Variants in ACSM2A observed in about 807,000 individuals in gnomAD.
The protein encoded by ACSM2A is acyl-coenzyme A synthetase ACSM2A, mitochondrial.
ACSM2A carries 72 observed loss-of-function variants against 76.6 expected under a neutral mutation model. The ratio of observed to expected loss-of-function variants is 0.94; its 90% CI spans 0.78 to 1.14. ACSM2A has a LOEUF of 1.14. Among genes scored for constraint, ACSM2A ranks in the 50% most tolerant of loss-of-function variants. ACSM2A has a pLI of 0.00. For missense variants in ACSM2A, 684 were observed against 708.5 expected (o/e 0.97, Z 0.39); for synonymous variants, 249 against 255.9 (o/e 0.97, Z 0.26).
chr16:20,478,527 G>A lies in ACSM2A; in HGVS notation c.1180-49G>A, dbSNP rs376932258. The A allele has an allele frequency of 1.9e-6, 3 of 1,585,190 alleles. No homozygotes were observed. In the African/African-American group the frequency reaches 4.0e-5, roughly 21 times the overall value. On this transcript the variant is annotated intron_variant, in intron 9 of 13. Transcript: ENST00000573854. ...TCAGCAATCTCATGATGCCATTGAA[G>A]CCATCTCCTGCTGTGTGCATCATTC...
At chr16:20,483,891 C>A (rs969501023) in intron 13 of ACSM2A, among the ~76,000 whole-genome samples, 2 of 151,972 alleles carry the variant, frequency 1.3e-5, no homozygotes, top group African/African-American at 4.8e-5. Flanking sequence ...CCAGGCATTC[C>A]TAGGATGTGG....
intron 1 of ACSM2A, among the ~76,000 whole-genome samples, chr16:20,459,445 T>C (rs1286466054): frequency 6.6e-6 from 1 of 152,170 alleles, no homozygotes; most frequent in African/African-American, 2.4e-5. Flanking sequence ...ACCCTATACA[T>C]CTTAGTAGCT....
At chr16:20,476,057 A>G in intron 8 of ACSM2A, 1 of 1,068,750 alleles carries the variant, frequency 9.4e-7, no homozygotes, top group South Asian at 2.1e-5. Context: ...TGGAAAAAGT[A>G]AAGTAGATGA....
intron 6 of ACSM2A, among the ~76,000 whole-genome samples, chr16:20,474,802 A>C (rs1469629156): frequency 2.0e-5 from 3 of 152,228 alleles, no homozygotes; most frequent in Non-Finnish European, 4.4e-5. Context: ...TAAAAATTAA[A>C]TGAGATAACA....
At chr16:20,473,707 G>T (rs1012753506) in intron 6 of ACSM2A, among the ~76,000 whole-genome samples, 1 of 152,032 alleles carries the variant, frequency 6.6e-6, no homozygotes, top group Non-Finnish European at 1.5e-5. Context: ...TTCCTCCTTA[G>T]CCAGGGTTCT....
At position 20,486,738 on chromosome 16, in the gene ACSM2A, C is replaced by G. The variant is rs541264077; in HGVS notation, c.*60C>G. ...TCTTTCTCTTTCTTTTCCCTTTGGG[C>G]CCTTGGCCTTCCTATGATTATATGA... On this transcript the variant is annotated 3_prime_UTR_variant, in exon 14 of 14. Coordinates refer to ENST00000573854, the MANE Select transcript of ACSM2A (RefSeq NM_001308172.2). 7.0e-6 allele frequency: 11 copies of G among 1,582,146 alleles called. No homozygotes were observed. In the South Asian group the frequency reaches 1.1e-4, roughly 16 times the overall value.
intron 9 of ACSM2A, among the ~76,000 whole-genome samples, chr16:20,477,812 C>T (rs13337039): frequency 0.027 from 4,153 of 152,262 alleles, 190 homozygotes; most frequent in African/African-American, 0.094. Flanking sequence ...TCAATTAATG[C>T]CAACCTGCAG....
At chr16:20,460,457 G>T (rs1375357241) in intron 2 of ACSM2A, among the ~76,000 whole-genome samples, 166 bp downstream of exon 2, 1 of 152,200 alleles carries the variant, frequency 6.6e-6, no homozygotes. Flanking sequence ...ATGGGAGAGA[G>T]ACAGCATGAG....
At chr16:20,480,537 G>A (rs753156128) in intron 10 of ACSM2A, 36 bp from the exon 11 acceptor site, 1 of 1,601,520 alleles carries the variant, frequency 6.2e-7, no homozygotes, top group Non-Finnish European at 8.5e-7. Context: ...TTTAGGCTTT[G>A]CAGGCACAAT....
intron 2 of ACSM2A, among the ~76,000 whole-genome samples, chr16:20,465,165 G>C (rs574893894): frequency 1.3e-5 from 2 of 151,820 alleles, no homozygotes; most frequent in African/African-American, 4.8e-5. Flanking sequence ...ATAAATAGAC[G>C]CAATAAATAA....
Position 20,478,568 on chromosome 16 carries a change from T to C in ACSM2A, c.1180-8T>C, listed in dbSNP as rs370698676. 1.4e-5 allele frequency: 22 copies of C among 1,612,506 alleles called. No homozygotes were observed. Among genetic ancestry groups the C allele is most frequent in the Non-Finnish European group, 1.8e-5 (21 of 1,179,020 alleles). ...TGCATCATTCTTCCAATCTGCTTCT[T>C]TCTCCAGATCATAGATGATAAGGGC... On this transcript the variant is annotated splice_polypyrimidine_tract_variant and splice_region_variant and intron_variant, in intron 9 of 13. Transcript: ENST00000573854.
chr16:20,466,152 G>T (rs6497490), intron 3 of ACSM2A, among the ~76,000 whole-genome samples: 134,326 of 149,564 alleles, frequency 0.9, 60,803 homozygotes, highest in African/African-American at 0.97. Context: ...TGTGGCTGCA[G>T]TTGCACTACA....
chr16:20,458,135 C>T (rs980239285), intron 1 of ACSM2A, among the ~76,000 whole-genome samples: 3 of 151,360 alleles, frequency 2.0e-5, no homozygotes, highest in Non-Finnish European at 4.4e-5. Flanking sequence ...CTACAAAACC[C>T]TGCTGAAAGA....
At chr16:20,458,927 T>TAC (rs2012425583) in intron 1 of ACSM2A, among the ~76,000 whole-genome samples, 1 of 63,358 alleles carries the variant, frequency 1.6e-5, no homozygotes, top group South Asian at 6.3e-4. Flanking sequence ...TATATATATA[T>TAC]ATATACATAT....
chr16:20,478,957 C>T (rs2013927201), intron 10 of ACSM2A, among the ~76,000 whole-genome samples: 1 of 152,190 alleles, frequency 6.6e-6, no homozygotes. Context: ...ATATTATTGA[C>T]CCTGAACTAT....
Position 20,471,545 on chromosome 16 carries a change from C to G in ACSM2A, c.750C>G (p.Gly250=), listed in dbSNP as rs746206762. 6.2e-6 allele frequency: 10 copies of G among 1,612,454 alleles called. No homozygotes were observed. The highest frequency in any genetic ancestry group is 7.6e-6 in the Non-Finnish European group (9 of 1,179,282). The change falls in exon 6 of 14, where the codon GGC becomes GGG. Residue 250 remains glycine, a synonymous_variant. Transcript: ENST00000573854. ...LKAKMDAGWT[G]LQASDIMWTI... is the part of the protein sequence containing the mutation. ...TTGTCTGTGTTTTCAGTTGGACAGG[C>G]CTGCAAGCCTCTGATATAATGTGGA...
chr16:20,475,272 C>T (rs1342926160), intron 6 of ACSM2A, 90 bp from the exon 7 acceptor site: 2 of 1,602,566 alleles, frequency 1.2e-6, no homozygotes, highest in Non-Finnish European at 1.7e-6. Context: ...ACCTCTACAA[C>T]TCCATAGCTC....
At chr16:20,458,787 A>C (rs1483010670) in intron 1 of ACSM2A, among the ~76,000 whole-genome samples, 1 of 142,748 alleles carries the variant, frequency 7.0e-6, no homozygotes. Context: ...GTGGCAATGT[A>C]TATTACATAT....
At chr16:20,473,818 A>C (rs182970876) in intron 6 of ACSM2A, 1 of 273,988 alleles carries the variant, frequency 3.6e-6, no homozygotes. Flanking sequence ...TACAGACTTT[A>C]AGTCTGATTA....
Sources: allele counts gnomAD v4.1 joint callset (sites outside exome capture counted in the v4.1 genomes callset), GRCh38; gene constraint gnomAD v4.1.1; transcripts MANE v1.5; gene names NCBI Gene and HGNC (gene_info 2026-07-23, HGNC 2026-07-21).